The following CLASP2 variants were observed in gnomAD, a reference collection of about 807,000 sequenced individuals.
The protein encoded by CLASP2 is CLIP-associating protein 2.
In CLASP2, 47 loss-of-function variants were observed where a neutral mutation model predicts 194.4. The observed-to-expected ratio is 0.24, with a 90% CI of 0.19 to 0.31. CLASP2 has a LOEUF of 0.31. CLASP2 is among the 10% of genes least tolerant of loss of function. CLASP2 has a pLI of 1.00. For missense variants in CLASP2, 1,445 were observed against 1,823.6 expected, an observed-to-expected ratio of 0.79 and a Z score of 3.78; for synonymous variants, 619 against 633.5, an observed-to-expected ratio of 0.98 and a Z score of 0.34.
intron 34 of CLASP2, among the ~76,000 whole-genome samples, chr3:33,521,486 G>A (rs1350045358): frequency 6.6e-6 from 1 of 152,150 alleles, no homozygotes; most frequent in African/African-American, 2.4e-5. Flanking sequence ...TGCAAAGAAT[G>A]TATAACCTGA....
intron 5 of CLASP2, among the ~76,000 whole-genome samples, chr3:33,686,773 T>C (rs2090730680): frequency 1.3e-5 from 2 of 152,210 alleles, no homozygotes; most frequent in South Asian, 4.1e-4. Flanking sequence ...AGGTAGACTG[T>C]AGCAGGGAAT....
intron 2 of CLASP2, among the ~76,000 whole-genome samples, chr3:33,691,391 T>C (rs1000728749): frequency 8.5e-5 from 13 of 152,202 alleles, no homozygotes; most frequent in Admixed American, 3.9e-4. Flanking sequence ...AAAACTGATA[T>C]AGTAATGAAC....
At position 33,535,457 on chromosome 3, in the gene CLASP2, C is replaced by A; in HGVS notation, c.3563G>T (p.Cys1188Phe). Reference sequence around the variant, plus strand: ...TGGGTCAGACATCCCAGGACCACCACACATCTATCAATGGGAAGTGAAAGC... The same window carrying A: ...TGGGTCAGACATCCCAGGACCACCAAACATCTATCAATGGGAAGTGAAAGC... ...DSKKDDGDSM[C>F]GGPGMSDPRA... Residue 1188 changes from cysteine (C) to phenylalanine (F), a missense_variant, in exon 34 of 39, where the codon TGT becomes TTT. Around this residue, in one of 4 missense-constraint regions of CLASP2, gnomAD observed 732 missense variants for 987.9 expected, o/e 0.74. Coordinates refer to ENST00000682230, the MANE Select transcript of CLASP2 (RefSeq NM_001365631.1). 1.2e-6 allele frequency: 2 copies of A among 1,612,222 alleles called. No individual in the cohort carries two copies. Among genetic ancestry groups the A allele is most frequent in the Non-Finnish European group, 1.7e-6 (2 of 1,178,702 alleles).
rs2084802363 is a variant in CLASP2 at position 33,658,954 on chromosome 3, G to GAAAAAT, written c.715+4485_715+4490dup. On this transcript the variant is annotated intron_variant, in intron 7 of 38. Coordinates refer to ENST00000682230, the MANE Select transcript of CLASP2 (RefSeq NM_001365631.1). ...GAAGTGTATAACACAAGCAAAAGAAGAAAAATAAATCTTACTCACCATCTC... is the reference window on the plus strand; with the variant it reads ...GAAGTGTATAACACAAGCAAAAGAAGAAAAATAAAAATAAATCTTACTCACCATCTC... The GAAAAAT allele has an allele frequency of 2.0e-6, 3 of 1,530,320 alleles. No homozygotes were observed. In the East Asian group the frequency reaches 7.3e-5, roughly 37 times the overall value. 94.8% of individuals were successfully genotyped at this position (1,530,320 alleles called of 1,614,324 possible). A position where few individuals can be genotyped will look rare whatever the true frequency, so the allele number is the denominator to read the frequency against.
intron 7 of CLASP2, chr3:33,659,384 C>CATGT (rs1333780631): frequency 9.6e-7 from 1 of 1,040,228 alleles, no homozygotes; most frequent in African/African-American, 1.7e-5. Context: ...AAACACAAGG[C>CATGT]ATGTGTTCAG....
At chr3:33,550,628 T>C (rs1408298999) in intron 30 of CLASP2, among the ~76,000 whole-genome samples, 1 of 151,774 alleles carries the variant, frequency 6.6e-6, no homozygotes, top group African/African-American at 2.4e-5. Context: ...GCAGAGATGT[T>C]GAAAATATTA....
At chr3:33,688,009 A>G (rs954378769) in intron 4 of CLASP2, among the ~76,000 whole-genome samples, 2 of 152,254 alleles carry the variant, frequency 1.3e-5, no homozygotes, top group African/African-American at 4.8e-5. Context: ...AGTTATCAGC[A>G]TATCAGTTCC....
intron 29 of CLASP2, among the ~76,000 whole-genome samples, chr3:33,551,651 G>A (rs964238317): frequency 6.6e-6 from 1 of 152,118 alleles, no homozygotes; most frequent in Non-Finnish European, 1.5e-5. Flanking sequence ...CTACCTACCT[G>A]AGGTACAAGT....
At chr3:33,677,153 T>C (rs2088837067) in intron 6 of CLASP2, among the ~76,000 whole-genome samples, 1 of 152,058 alleles carries the variant, frequency 6.6e-6, no homozygotes, top group African/African-American at 2.4e-5. Flanking sequence ...TGGCGATTCC[T>C]CAGGGATCTA....
chr3:33,604,403 G>C (rs1347119743), intron 16 of CLASP2, among the ~76,000 whole-genome samples, 194 bp from the exon 17 acceptor site: 2 of 148,774 alleles, frequency 1.3e-5, no homozygotes, highest in South Asian at 2.1e-4. Context: ...CTGCAGTCTT[G>C]ACTTCCCAGA....
rs542887480 is a variant in CLASP2 at position 33,630,729 on chromosome 3, A to C, written c.942+1563T>G. Reference sequence around the variant, plus strand: ...AGGGTGGCAGAGAGGGCCAGCTGGAAGAAAGCAATGAGTAATTATAAAATA... The same window carrying C: ...AGGGTGGCAGAGAGGGCCAGCTGGACGAAAGCAATGAGTAATTATAAAATA... On this transcript the variant is annotated intron_variant, in intron 9 of 38. Transcript: ENST00000682230. Among the ~76,000 whole-genome samples, 4 of 152,206 alleles carry C rather than the reference A, an allele frequency of 2.6e-5. No homozygotes were observed. The South Asian group carries it at 8.3e-4, about 32-fold the overall frequency.
chr3:33,621,281 T>C (rs1365270808), intron 11 of CLASP2, among the ~76,000 whole-genome samples: 3 of 152,194 alleles, frequency 2.0e-5, no homozygotes, highest in Admixed American at 6.5e-5. Context: ...TTTACATATA[T>C]TGTCCAATTT....
chr3:33,580,274 A>G (rs1287885903), intron 23 of CLASP2, among the ~76,000 whole-genome samples: 1 of 152,166 alleles, frequency 6.6e-6, no homozygotes, highest in South Asian at 2.1e-4. Context: ...ACCACTAGAA[A>G]TTCTTGGCCA....
chr3:33,672,975 C>T (rs949677405), intron 6 of CLASP2, among the ~76,000 whole-genome samples: 1 of 152,104 alleles, frequency 6.6e-6, no homozygotes, highest in Non-Finnish European at 1.5e-5. Context: ...ACTGGTGTAC[C>T]TGAAAGTGAC....
At chr3:33,663,238 A>G (rs201770831) in intron 7 of CLASP2, among the ~76,000 whole-genome samples, 5 of 151,378 alleles carry the variant, frequency 3.3e-5, no homozygotes, top group Admixed American at 6.6e-5. Flanking sequence ...ATTTTACACA[A>G]CTGACTCACT....
chr3:33,583,891 A>C (rs1397505544), intron 22 of CLASP2, among the ~76,000 whole-genome samples: 2 of 152,206 alleles, frequency 1.3e-5, no homozygotes, highest in Non-Finnish European at 2.9e-5. Context: ...ATGGTTGATA[A>C]AGCAGAAAAG....
chr3:33,704,077 G>A (rs1357270391), intron 1 of CLASP2, among the ~76,000 whole-genome samples: 1 of 152,206 alleles, frequency 6.6e-6, no homozygotes, highest in Non-Finnish European at 1.5e-5. Flanking sequence ...GACTGCCAGG[G>A]ATTGGGGAAG....
chr3:33,565,178 T>C (rs1427764890), intron 27 of CLASP2, among the ~76,000 whole-genome samples: 4 of 152,150 alleles, frequency 2.6e-5, no homozygotes, highest in Admixed American at 1.3e-4. Context: ...ATAATTTTAA[T>C]AACATTTTAT....
intron 7 of CLASP2, chr3:33,659,483 AG>A (rs1200487942): frequency 1.2e-6 from 1 of 854,050 alleles, no homozygotes; most frequent in African/African-American, 1.8e-5. Flanking sequence ...CTTTTTAAAA[AG>A]GTTTTCATCC....
Sources: allele counts gnomAD v4.1 joint callset (sites outside exome capture counted in the v4.1 genomes callset), GRCh38; gene constraint gnomAD v4.1.1; regional missense constraint gnomAD v4.1.1; transcripts MANE v1.5; gene names NCBI Gene and HGNC (gene_info 2026-07-23, HGNC 2026-07-21).